The following ULK4 variants were observed in gnomAD, a reference collection of about 807,000 sequenced individuals.
ULK4 encodes inactive serine/threonine-protein kinase ULK4.
Under a neutral mutation model 160.6 loss-of-function variants are expected in ULK4, and 133 were observed. The ratio of observed to expected loss-of-function variants is 0.83; its 90% CI spans 0.72 to 0.96. ULK4 has a LOEUF of 0.96. ULK4 is among the 40% of genes least tolerant of loss of function. The probability of loss-of-function intolerance (pLI) is 0.00; values close to 1 mark genes in which losing one functional copy is unlikely to be tolerated. For missense variants in ULK4, 1,580 were observed against 1,499.5 expected (o/e 1.05, Z -0.89); for synonymous variants, 534 against 539.8 (o/e 0.99, Z 0.15).
chr3:41,564,726 T>C (rs1266228883), intron 32 of ULK4, among the ~76,000 whole-genome samples: 1 of 152,070 alleles, frequency 6.6e-6, no homozygotes, highest in Non-Finnish European at 1.5e-5. Flanking sequence ...CCCAAAGTGC[T>C]GGGATTACAA....
chr3:41,825,557 T>C (rs1575776160), intron 18 of ULK4, among the ~76,000 whole-genome samples: 1 of 152,282 alleles, frequency 6.6e-6, no homozygotes, highest in Non-Finnish European at 1.5e-5. Context: ...GAAGAAAGGG[T>C]ATCAGTGATG....
intron 30 of ULK4, among the ~76,000 whole-genome samples, chr3:41,658,173 G>A (rs1453808523): frequency 6.6e-6 from 1 of 152,178 alleles, no homozygotes; most frequent in East Asian, 1.9e-4. Flanking sequence ...GTACACAGAT[G>A]GTGGACAGAA....
intron 32 of ULK4, among the ~76,000 whole-genome samples, chr3:41,484,499 C>T (rs937263385): frequency 7.1e-6 from 1 of 140,162 alleles, no homozygotes; most frequent in Non-Finnish European, 1.5e-5. Context: ...GTCACCCAGG[C>T]TGGAGTGCAG....
At chr3:41,813,951 G>A (rs561072023) in intron 19 of ULK4, among the ~76,000 whole-genome samples, 1 of 152,344 alleles carries the variant, frequency 6.6e-6, no homozygotes, top group East Asian at 1.9e-4. Flanking sequence ...TGCCCAGTGT[G>A]TCTTGGAGTG....
intron 35 of ULK4, among the ~76,000 whole-genome samples, chr3:41,324,583 G>A (rs2080307107): frequency 1.3e-5 from 2 of 152,338 alleles, no homozygotes; most frequent in South Asian, 2.1e-4. Flanking sequence ...GGCACTTAGA[G>A]TGCAGACAAG....
chr3:41,618,402 C>T (rs2033078441), intron 30 of ULK4, among the ~76,000 whole-genome samples: 2 of 152,154 alleles, frequency 1.3e-5, no homozygotes, highest in South Asian at 2.1e-4. Flanking sequence ...CAAAGAGAAG[C>T]CCATCAGACT....
intron 35 of ULK4, among the ~76,000 whole-genome samples, chr3:41,268,802 T>TCACA (rs761556124): frequency 2.0e-5 from 2 of 100,490 alleles, no homozygotes. Context: ...AGACTCCGTC[T>TCACA]CACACACACA....
intron 30 of ULK4, among the ~76,000 whole-genome samples, chr3:41,623,150 G>A (rs1345364307): frequency 6.6e-6 from 1 of 152,204 alleles, no homozygotes; most frequent in Non-Finnish European, 1.5e-5. Flanking sequence ...TTGTAGGTAT[G>A]TGTAGTTTGT....
intron 2 of ULK4, among the ~76,000 whole-genome samples, chr3:41,939,893 A>G (rs1160521048): frequency 3.9e-5 from 6 of 152,158 alleles, no homozygotes; most frequent in African/African-American, 1.4e-4. Context: ...CGCACTCCTT[A>G]TGAGAATCTA....
chr3:41,840,079 TA>T (rs1228529574), intron 17 of ULK4, among the ~76,000 whole-genome samples: 2 of 152,110 alleles, frequency 1.3e-5, no homozygotes, highest in Non-Finnish European at 2.9e-5. Flanking sequence ...AAAATTATTA[TA>T]AAAGTTATAT....
intron 30 of ULK4, among the ~76,000 whole-genome samples, chr3:41,653,314 T>C (rs2034814522): frequency 6.6e-6 from 1 of 152,198 alleles, no homozygotes. Flanking sequence ...GCTTACCCTG[T>C]CTTGCCTGTT....
At chr3:41,453,220 G>A (rs934954863) in intron 34 of ULK4, among the ~76,000 whole-genome samples, 8 of 152,108 alleles carry the variant, frequency 5.3e-5, no homozygotes, top group African/African-American at 1.9e-4. Flanking sequence ...CTTTTGCCCA[G>A]GCTAGAGTGC....
At chr3:41,484,407 A>G (rs1438312940) in intron 32 of ULK4, among the ~76,000 whole-genome samples, 2 of 151,248 alleles carry the variant, frequency 1.3e-5, no homozygotes, top group Admixed American at 1.3e-4. Flanking sequence ...GGAGATATAC[A>G]TCCTGGTCTC....
At chr3:41,268,796 T>C (rs1353508770) in intron 35 of ULK4, among the ~76,000 whole-genome samples, 1 of 107,322 alleles carries the variant, frequency 9.3e-6, no homozygotes, top group Admixed American at 1.4e-4. Flanking sequence ...AGAGCAAGAC[T>C]CCGTCTCACA....
intron 32 of ULK4, among the ~76,000 whole-genome samples, chr3:41,497,507 T>G (rs751115330): frequency 6.6e-6 from 1 of 152,054 alleles, no homozygotes; most frequent in Admixed American, 6.6e-5. Flanking sequence ...TTTGCCAAAT[T>G]TGGCAAAACA....
At chr3:41,549,275 A>AT (rs1198946641) in intron 32 of ULK4, among the ~76,000 whole-genome samples, 1 of 125,132 alleles carries the variant, frequency 8.0e-6, no homozygotes, top group Non-Finnish European at 1.9e-5. Context: ...ATATAAGACA[A>AT]TACAAATGAA....
intron 34 of ULK4, among the ~76,000 whole-genome samples, chr3:41,454,626 C>A (rs2083500650): frequency 1.3e-5 from 2 of 151,108 alleles, no homozygotes; most frequent in African/African-American, 2.4e-5. Flanking sequence ...TAATTAGGAA[C>A]AATAATTTGA....
chr3:41,303,555 C>G (rs1402096555), intron 35 of ULK4, among the ~76,000 whole-genome samples: 2 of 152,166 alleles, frequency 1.3e-5, no homozygotes, highest in Admixed American at 6.5e-5. Context: ...GGGTAAAATA[C>G]AATCAACTTT....
At chr3:41,538,865 T>C (rs773814564) in intron 32 of ULK4, among the ~76,000 whole-genome samples, 3 of 152,162 alleles carry the variant, frequency 2.0e-5, no homozygotes, top group Non-Finnish European at 4.4e-5. Flanking sequence ...GTATGGTCTA[T>C]AAGCATGTGT....
Sources: gnomAD v4.1 joint callset for allele counts (sites outside exome capture counted in the v4.1 genomes callset) on GRCh38, gnomAD v4.1.1 for gene constraint, MANE v1.5 for transcripts, NCBI Gene and HGNC (gene_info 2026-07-23, HGNC 2026-07-21) for gene names.